Variants in MCPH1 observed in about 807,000 individuals in gnomAD.
The protein encoded by MCPH1 is microcephalin 1, also known as microcephalin.
A neutral mutation model predicts 84.5 loss-of-function variants in MCPH1; 104 were observed. The observed-to-expected ratio is 1.23, with a 90% CI of 1.05 to 1.45. The LOEUF (loss-of-function observed/expected upper bound fraction) is 1.45. MCPH1 is among the 40% of genes most tolerant of loss of function. The pLI is 0.00. For synonymous variants in MCPH1, 514 were observed against 366.8 expected, an observed-to-expected ratio of 1.40 and a Z score of -4.58; for missense variants, 1,498 against 1,005.7, an observed-to-expected ratio of 1.49 and a Z score of -6.62.
rs1814277262 is a variant in MCPH1 at position 6,508,618 on chromosome 8, A to G, written c.2214+8689A>G. 21 of 489,290 alleles carry G rather than the reference A, an allele frequency of 4.3e-5. 1 individual carries two copies. In the South Asian group the frequency reaches 8.7e-4, roughly 20 times the overall value. 30.3% of individuals were successfully genotyped at this position (489,290 alleles called of 1,614,324 possible). On this transcript the variant is annotated intron_variant, in intron 12 of 13. Coordinates refer to ENST00000344683, the MANE Select transcript of MCPH1 (RefSeq NM_024596.5). The stretch of plus-strand genomic sequence containing the variant: ...TTTACATAAAGCAAAATGTAATTAA[A>G]CCATCTCTCTAGTATCCAGCAAGCA...
chr8:6,643,513 G>T lies in MCPH1; in HGVS notation c.*464G>T, dbSNP rs941359357. ...CGCCTGAGCTCAGGTGATCTGTCAGGCCTCTTCTATAGAATTCCAGTCTTT... is the reference window on the plus strand; with the variant it reads ...CGCCTGAGCTCAGGTGATCTGTCAGTCCTCTTCTATAGAATTCCAGTCTTT... On this transcript the variant is annotated 3_prime_UTR_variant, in exon 14 of 14. Coordinates refer to ENST00000344683, the MANE Select transcript of MCPH1 (RefSeq NM_024596.5). 1.5e-5 allele frequency: 3 copies of T among 201,018 alleles called. No individual in the cohort carries two copies. Among genetic ancestry groups the T allele is most frequent in the Non-Finnish European group, 3.1e-5 (3 of 97,420 alleles). 12.5% of individuals were successfully genotyped at this position (201,018 alleles called of 1,614,324 possible).
chr8:6,456,218 G>GGA (rs934134376), intron 9 of MCPH1, among the ~76,000 whole-genome samples: 3 of 152,148 alleles, frequency 2.0e-5, no homozygotes, highest in East Asian at 1.9e-4. Context: ...CAACAGATGT[G>GGA]GAGAGAGAGA....
At chr8:6,577,182 A>G (rs1221790157) in intron 12 of MCPH1, among the ~76,000 whole-genome samples, 1 of 152,208 alleles carries the variant, frequency 6.6e-6, no homozygotes, top group Non-Finnish European at 1.5e-5. Context: ...CCAGGTGGCC[A>G]GCGCCTCTTC....
intron 11 of MCPH1, among the ~76,000 whole-genome samples, chr8:6,491,060 A>C (rs1810513070): frequency 3.3e-5 from 1 of 30,072 alleles, no homozygotes; most frequent in Non-Finnish European, 1.8e-4. Context: ...AAATTTATCA[A>C]AAAAAATTTT....
rs78909070 is a variant in MCPH1 at position 6,431,801 on chromosome 8, C to G, written c.321+215C>G. 4.6e-3 allele frequency among the ~76,000 whole-genome samples: 705 copies of G among 152,154 alleles called. 3 individuals carry two copies. Among genetic ancestry groups the G allele is most frequent in the African/African-American group, 0.015 (611 of 41,498 alleles). ...ATAGCATTTGTATGAAATGGAAAAG[C>G]CTGTGGTTGGCCATGGGAAGACTAA... is the stretch of plus-strand genomic sequence containing the variant. On this transcript the variant is annotated intron_variant, in intron 4 of 13. Coordinates refer to ENST00000344683, the MANE Select transcript of MCPH1 (RefSeq NM_024596.5).
chr8:6,414,651 TTCTC>T (rs1799007521), intron 2 of MCPH1, 110 bp from the exon 3 acceptor site: 4 of 1,148,528 alleles, frequency 3.5e-6, no homozygotes, highest in Middle Eastern at 2.8e-4. Context: ...CTTTGAGTGT[TTCTC>T]TGTCAGATGT....
Position 6,444,765 on chromosome 8 carries a change from G to T in MCPH1, c.1043G>T (p.Arg348Ile). ...STKGHLLIHS[R>I]PRSSSVKRKR... ...AAAGGCCACCTTTTGATACATTCAAGACCCAGGAGTTCCTCAGTAAAGAGA... is the reference window on the plus strand; with the variant it reads ...AAAGGCCACCTTTTGATACATTCAATACCCAGGAGTTCCTCAGTAAAGAGA... Residue 348 changes from arginine (R) to isoleucine (I), a missense_variant, in exon 8 of 14, where the codon AGA becomes ATA. By Grantham distance (97) the Arg-to-Ile change is moderately conservative (BLOSUM62 -3). Coordinates refer to ENST00000344683, the MANE Select transcript of MCPH1 (RefSeq NM_024596.5). The T allele has an allele frequency of 1.9e-6, 3 of 1,614,032 alleles. No individual in the cohort carries two copies. Among genetic ancestry groups the T allele is most frequent in the Non-Finnish European group, 1.7e-6 (2 of 1,179,980 alleles).
intron 13 of MCPH1, chr8:6,626,797 T>C: frequency 1.0e-6 from 1 of 985,320 alleles, no homozygotes; most frequent in Non-Finnish European, 1.2e-6. Flanking sequence ...TCTGCGACAT[T>C]TGTGCTGTGG....
intron 11 of MCPH1, among the ~76,000 whole-genome samples, chr8:6,483,406 C>G (rs1034861274): frequency 3.9e-5 from 6 of 152,216 alleles, no homozygotes; most frequent in African/African-American, 1.4e-4. Flanking sequence ...AGGACTGGCA[C>G]TACCTGCTTT....
intron 8 of MCPH1, among the ~76,000 whole-genome samples, chr8:6,451,263 T>G (rs1204663163): frequency 6.6e-6 from 1 of 152,242 alleles, no homozygotes; most frequent in Non-Finnish European, 1.5e-5. Flanking sequence ...ATTGACCACT[T>G]AACTGTTTGG....
intron 3 of MCPH1, among the ~76,000 whole-genome samples, chr8:6,420,591 A>G (rs561449543): frequency 1.3e-5 from 2 of 151,712 alleles, no homozygotes; most frequent in East Asian, 1.9e-4. Flanking sequence ...TCTCTACCTC[A>G]TCTTCTTATG....
intron 12 of MCPH1, among the ~76,000 whole-genome samples, chr8:6,574,976 G>A (rs1826950877): frequency 6.6e-6 from 1 of 152,216 alleles, no homozygotes. Context: ...AAAGCAGTAA[G>A]AGGGAAGTCA....
chr8:6,487,838 G>C (rs1006119849), intron 11 of MCPH1, among the ~76,000 whole-genome samples: 4 of 152,200 alleles, frequency 2.6e-5, no homozygotes, highest in African/African-American at 4.8e-5. Context: ...ACTGGATCCT[G>C]ACAGAACATT....
At chr8:6,596,524 G>A (rs545455538) in intron 12 of MCPH1, among the ~76,000 whole-genome samples, 115 of 152,268 alleles carry the variant, frequency 7.6e-4, no homozygotes, top group African/African-American at 2.4e-3. Flanking sequence ...CGCCAGAGCC[G>A]TAGGAGATGA....
intron 13 of MCPH1, chr8:6,625,544 TAA>T (rs1831981790): frequency 1.2e-5 from 11 of 925,500 alleles, no homozygotes; most frequent in Non-Finnish European, 1.4e-5. Flanking sequence ...TTAAATAAAT[TAA>T]ATTATGAAAA....
At chr8:6,617,297 T>G (rs1312962959) in intron 12 of MCPH1, 4 of 150,932 alleles carry the variant, frequency 2.7e-5, no homozygotes, top group Non-Finnish European at 5.9e-5. Context: ...TTGTTTTTTT[T>G]GAGGTGGAAT....
At chr8:6,550,383 C>T (rs1032959475) in intron 12 of MCPH1, among the ~76,000 whole-genome samples, 5 of 152,330 alleles carry the variant, frequency 3.3e-5, no homozygotes, top group Admixed American at 3.3e-4. Flanking sequence ...TAGGGCTGCA[C>T]CCAGACACGT....
At chr8:6,443,719 G>A (rs1247704794) in intron 7 of MCPH1, among the ~76,000 whole-genome samples, 1 of 152,226 alleles carries the variant, frequency 6.6e-6, no homozygotes, top group East Asian at 1.9e-4. Flanking sequence ...GCAGTGGGAG[G>A]GTCCCAGGGA....
At chr8:6,574,423 T>C (rs1826901712) in intron 12 of MCPH1, among the ~76,000 whole-genome samples, 1 of 152,346 alleles carries the variant, frequency 6.6e-6, no homozygotes, top group South Asian at 2.1e-4. Flanking sequence ...GGACCTCCTC[T>C]CAACTAGTTA....
Sources: allele counts gnomAD v4.1 joint callset (sites outside exome capture counted in the v4.1 genomes callset), GRCh38; gene constraint gnomAD v4.1.1; transcripts MANE v1.5; gene names NCBI Gene and HGNC (gene_info 2026-07-23, HGNC 2026-07-21).